Variants in LRRC37A2 observed in about 807,000 individuals in gnomAD.
The protein encoded by LRRC37A2 is leucine rich repeat containing 37 member A2.
Under a neutral mutation model 68.8 loss-of-function variants are expected in LRRC37A2, and 9 were observed. The observed-to-expected ratio is 0.13, with a 90% CI of 0.08 to 0.23. LRRC37A2 has a LOEUF of 0.23. Among genes scored for constraint, LRRC37A2 ranks in the 10% least tolerant of loss-of-function variants. LRRC37A2 has a pLI of 1.00. For missense variants in LRRC37A2, 168 were observed against 950.4 expected, an observed-to-expected ratio of 0.18 and a Z score of 10.82; for synonymous variants, 63 against 367.6, an observed-to-expected ratio of 0.17 and a Z score of 9.48.
At chr17:46,809,953 G>C in the LRRC37A2 span, among the ~76,000 whole-genome samples, 1 of 151,488 alleles carries the variant, frequency 6.6e-6, no homozygotes, top group Non-Finnish European at 1.5e-5. Context: ...TCCATTCTTA[G>C]CACTGTCTGA....
chr17:46,979,019 GC>G, the LRRC37A2 span: 4 of 1,393,996 alleles, frequency 2.9e-6, no homozygotes, highest in Non-Finnish European at 3.7e-6. Flanking sequence ...GCCGCGCGGC[GC>G]CGGGGGTCTC....
At chr17:46,885,380 G>A in the LRRC37A2 span, 1 of 164,402 alleles carries the variant, frequency 6.1e-6, no homozygotes, top group Non-Finnish European at 1.3e-5. Flanking sequence ...TCTGCTCACT[G>A]CAACCTCCAC....
the LRRC37A2 span, chr17:46,967,086 CAG>C: frequency 1.2e-5 from 2 of 160,972 alleles, no homozygotes; most frequent in African/African-American, 4.8e-5. Flanking sequence ...AATACAAACA[CAG>C]GGAAGACAGT....
the LRRC37A2 span, among the ~76,000 whole-genome samples, chr17:46,957,120 G>C: frequency 1.3e-5 from 2 of 152,072 alleles, no homozygotes; most frequent in Admixed American, 6.6e-5. Flanking sequence ...ACCATCCTGG[G>C]TGACATGGTG....
chr17:46,745,095 A>G, the LRRC37A2 span, among the ~76,000 whole-genome samples: 1 of 151,962 alleles, frequency 6.6e-6, no homozygotes, highest in Admixed American at 6.6e-5. Context: ...GGACATTAAG[A>G]CTGGTGGCCA....
At chr17:47,012,993 T>C in the LRRC37A2 span, among the ~76,000 whole-genome samples, 1 of 152,214 alleles carries the variant, frequency 6.6e-6, no homozygotes, top group African/African-American at 2.4e-5. Context: ...AGACAAAATA[T>C]GGTCTATTCA....
chr17:46,540,777 T>TA (rs1175012844), intron 7 of LRRC37A2, 30 bp from the exon 7 acceptor site: 1 of 1,538,950 alleles, frequency 6.5e-7, no homozygotes, highest in South Asian at 1.2e-5. Flanking sequence ...TTGGGGCTCA[T>TA]ATCATGAATG....
chr17:46,541,550 C>A (rs1332322776), intron 8 of LRRC37A2, among the ~76,000 whole-genome samples: 1 of 150,770 alleles, frequency 6.6e-6, no homozygotes, highest in East Asian at 1.9e-4. Context: ...CCTTGCCTGG[C>A]CTCACTCAGC....
At chr17:46,873,729 C>G in the LRRC37A2 span, among the ~76,000 whole-genome samples, 2 of 150,514 alleles carry the variant, frequency 1.3e-5, no homozygotes, top group Non-Finnish European at 2.9e-5. Flanking sequence ...TGCAGTTGGC[C>G]GGTTGCCATG....
At chr17:46,497,112 T>C in the LRRC37A2 span, among the ~76,000 whole-genome samples, 2 of 133,370 alleles carry the variant, frequency 1.5e-5, no homozygotes, top group African/African-American at 6.2e-5. Context: ...CAGGCTGGTC[T>C]TGAATTCCTG....
the LRRC37A2 span, chr17:46,851,571 G>T: frequency 1.1e-6 from 1 of 877,802 alleles, no homozygotes; most frequent in South Asian, 4.7e-5. The surrounding 1 kb of genome is among the most constrained non-coding windows in gnomAD (Gnocchi z 4.3). Flanking sequence ...TCCCGCGGGC[G>T]GGTGGTGGCG....
chr17:46,823,410 T>C, the LRRC37A2 span, among the ~76,000 whole-genome samples: 1 of 150,906 alleles, frequency 6.6e-6, no homozygotes, highest in Non-Finnish European at 1.5e-5. Flanking sequence ...GAGACAGGGT[T>C]TCACCGTGTT....
the LRRC37A2 span, among the ~76,000 whole-genome samples, chr17:46,868,369 A>G: frequency 1.3e-5 from 2 of 152,184 alleles, no homozygotes; most frequent in Non-Finnish European, 2.9e-5. Flanking sequence ...AGGTGGGCGG[A>G]TCACATGAGG....
chr17:46,775,200 A>G, the LRRC37A2 span, among the ~76,000 whole-genome samples: 1 of 152,226 alleles, frequency 6.6e-6, no homozygotes. Flanking sequence ...TTTCTGATCA[A>G]TTCCCAAACA....
the LRRC37A2 span, among the ~76,000 whole-genome samples, chr17:47,002,244 A>G: frequency 3.3e-5 from 5 of 152,150 alleles, no homozygotes; most frequent in Admixed American, 6.5e-5. Context: ...AAGGGTATGT[A>G]TTTCTGGAAT....
At chr17:46,935,811 ACT>A in the LRRC37A2 span, 6 of 985,834 alleles carry the variant, frequency 6.1e-6, no homozygotes, top group African/African-American at 1.0e-4. Flanking sequence ...CATTACACAG[ACT>A]CTGATGTCAG....
chr17:46,734,959 G>C, the LRRC37A2 span, among the ~76,000 whole-genome samples: 2 of 152,152 alleles, frequency 1.3e-5, no homozygotes, highest in Admixed American at 6.5e-5. Context: ...GCTGAGGCAG[G>C]AGGATCGCTT....
the LRRC37A2 span, among the ~76,000 whole-genome samples, chr17:46,744,502 T>G: frequency 1.3e-5 from 2 of 152,236 alleles, no homozygotes; most frequent in Non-Finnish European, 2.9e-5. Flanking sequence ...TGCTCAGCAT[T>G]GAATGATATG....
the LRRC37A2 span, chr17:46,710,907 A>T: frequency 1.4e-6 from 2 of 1,467,778 alleles, no homozygotes; most frequent in Non-Finnish European, 1.8e-6. Context: ...CGTCTTTTAT[A>T]CTGTTAGTTT....
Sources: gnomAD v4.1 joint callset for allele counts (sites outside exome capture counted in the v4.1 genomes callset) on GRCh38, gnomAD v4.1.1 for gene constraint, Gnocchi (gnomAD v3.1) non-coding constraint, MANE v1.5 for transcripts, NCBI Gene and HGNC (gene_info 2026-07-23, HGNC 2026-07-21) for gene names.